CERS3: variants seen among roughly 807,000 people sequenced by gnomAD.
The protein encoded by CERS3 is LAG1 homolog, ceramide synthase 3.
A neutral mutation model predicts 50.3 loss-of-function variants in CERS3; 33 were observed. The observed-to-expected ratio is 0.66, with a 90% confidence interval of 0.50 to 0.88. CERS3 has a LOEUF of 0.88. Among genes scored for constraint, CERS3 ranks in the 40% least tolerant of loss-of-function variants. The pLI, the probability that CERS3 is intolerant of heterozygous loss-of-function variation, is 0.00. For missense variants in CERS3, 470 were observed against 460.3 expected (o/e 1.02, Z -0.19); for synonymous variants, 176 against 155.2 (o/e 1.13, Z -0.99).
intron 11 of CERS3, among the ~76,000 whole-genome samples, chr15:100,418,303 A>G (rs555620746): frequency 5.5e-4 from 83 of 152,236 alleles, no homozygotes; most frequent in East Asian, 4.2e-3. Flanking sequence ...TCAGAAGCCG[A>G]TGCGATCAAC....
intron 9 of CERS3, among the ~76,000 whole-genome samples, chr15:100,472,381 ACT>A (rs1473388095): frequency 6.6e-6 from 1 of 151,244 alleles, no homozygotes; most frequent in Non-Finnish European, 1.5e-5. Flanking sequence ...GATTAGGAAG[ACT>A]CTTGTTTTAA....
rs762982343 is a variant in CERS3 at position 100,430,311 on chromosome 15, C to CA, written c.999+25581dup. 2.9e-3 allele frequency among the ~76,000 whole-genome samples: 374 copies of CA among 129,836 alleles called. 1 individual carries two copies. Among genetic ancestry groups the CA allele is most frequent in the African/African-American group, 6.3e-3 (222 of 35,070 alleles). 85.2% of individuals were successfully genotyped at this position (129,836 alleles called of 152,430 possible). On this transcript the variant is annotated intron_variant, in intron 11 of 11. Transcript: ENST00000679737. Reference sequence around the variant, plus strand: ...TGGACGACAGAGCGAGACTCCGTCTCAAAAAAAAAAAGAATGACCAAAAGA... The same window carrying CA: ...TGGACGACAGAGCGAGACTCCGTCTCAAAAAAAAAAAAGAATGACCAAAAGA...
chr15:100,416,145 T>C (rs1279426748), intron 11 of CERS3, among the ~76,000 whole-genome samples: 1 of 152,132 alleles, frequency 6.6e-6, no homozygotes, highest in Non-Finnish European at 1.5e-5. Flanking sequence ...ATAAAATTCA[T>C]ACAGAACCAA....
At chr15:100,476,243 TA>T in intron 7 of CERS3, 65 bp from the exon 8 acceptor site, 1 of 970,026 alleles carries the variant, frequency 1.0e-6, no homozygotes, top group Non-Finnish European at 1.5e-6. Context: ...TTTAATGCAC[TA>T]AAACCTCCTT....
At chr15:100,501,570 C>T in intron 3 of CERS3, 107 bp downstream of exon 3, 1 of 961,786 alleles carries the variant, frequency 1.0e-6, no homozygotes, top group Non-Finnish European at 1.6e-6. Context: ...TTAGTGGCAA[C>T]CTCTGAACAA....
intron 11 of CERS3, among the ~76,000 whole-genome samples, chr15:100,442,971 C>T (rs866660632): frequency 1.9e-4 from 29 of 151,008 alleles, no homozygotes; most frequent in African/African-American, 6.1e-4. Flanking sequence ...CTTAAAACTC[C>T]CCAACTCTGG....
intron 2 of CERS3, among the ~76,000 whole-genome samples, chr15:100,505,324 G>A (rs2036145761): frequency 6.6e-6 from 1 of 152,204 alleles, no homozygotes; most frequent in South Asian, 2.1e-4. Flanking sequence ...TCATGGTTAT[G>A]TAGGGGTTAC....
chr15:100,493,439 T>C (rs922697082), intron 3 of CERS3, among the ~76,000 whole-genome samples: 1 of 152,234 alleles, frequency 6.6e-6, no homozygotes, highest in South Asian at 2.1e-4. Flanking sequence ...TTGTATGTGA[T>C]GAGTTGTTCC....
At chr15:100,451,827 A>G (rs1014546734) in intron 11 of CERS3, among the ~76,000 whole-genome samples, 1 of 152,216 alleles carries the variant, frequency 6.6e-6, no homozygotes, top group Non-Finnish European at 1.5e-5. Flanking sequence ...AGAAACACCT[A>G]TACTTATATC....
At chr15:100,477,324 C>T (rs2035161312) in intron 7 of CERS3, among the ~76,000 whole-genome samples, 1 of 152,124 alleles carries the variant, frequency 6.6e-6, no homozygotes, top group South Asian at 2.1e-4. Context: ...AATGCTGAGG[C>T]TAACGTATAA....
intron 7 of CERS3, among the ~76,000 whole-genome samples, chr15:100,476,869 C>T (rs2035142480): frequency 6.6e-6 from 1 of 152,160 alleles, no homozygotes; most frequent in Admixed American, 6.5e-5. Context: ...TGATCCTGGT[C>T]TTTGGTCAAG....
intron 11 of CERS3, among the ~76,000 whole-genome samples, chr15:100,442,208 A>C (rs1447927914): frequency 2.6e-5 from 4 of 151,834 alleles, no homozygotes; most frequent in African/African-American, 7.3e-5. Flanking sequence ...CCAGTTCATG[A>C]CTCGTTTGGC....
intron 11 of CERS3, among the ~76,000 whole-genome samples, chr15:100,438,284 A>G (rs1447845029): frequency 6.6e-6 from 1 of 151,880 alleles, no homozygotes; most frequent in Non-Finnish European, 1.5e-5. Flanking sequence ...ACCTCAGGTG[A>G]TCCTCCCACC....
chr15:100,483,267 T>C (rs1342329392), intron 5 of CERS3, among the ~76,000 whole-genome samples: 1 of 152,210 alleles, frequency 6.6e-6, no homozygotes, highest in Non-Finnish European at 1.5e-5. Flanking sequence ...CATGTGCCAC[T>C]GGGGTGGCGC....
intron 8 of CERS3, among the ~76,000 whole-genome samples, chr15:100,473,617 G>T (rs938214935): frequency 1.3e-5 from 2 of 152,160 alleles, no homozygotes; most frequent in Non-Finnish European, 2.9e-5. Context: ...ACACCCACTA[G>T]GATGGCTATA....
At chr15:100,502,287 G>GAAA (rs1393641097) in intron 2 of CERS3, among the ~76,000 whole-genome samples, 1,724 of 133,076 alleles carry the variant, frequency 0.013, 19 homozygotes, top group Non-Finnish European at 0.021. Context: ...AAGAAAGAAA[G>GAAA]AAAATAAGGC....
At chr15:100,507,348 G>C (rs554839530) in intron 2 of CERS3, among the ~76,000 whole-genome samples, 5 of 152,266 alleles carry the variant, frequency 3.3e-5, no homozygotes, top group African/African-American at 1.2e-4. Context: ...TAATGGTCCA[G>C]GCTACCCCTC....
At chr15:100,482,384 G>C (rs945117502) in intron 5 of CERS3, among the ~76,000 whole-genome samples, 1 of 152,152 alleles carries the variant, frequency 6.6e-6, no homozygotes, top group African/African-American at 2.4e-5. Flanking sequence ...GCTGGGGCCA[G>C]ATGGGAGGCC....
At chr15:100,419,048 A>C (rs1296993593) in intron 11 of CERS3, among the ~76,000 whole-genome samples, 2 of 125,778 alleles carry the variant, frequency 1.6e-5, no homozygotes, top group African/African-American at 2.8e-5. Flanking sequence ...ACCAGCTAAC[A>C]TCATAATGAC....
Sources: allele counts gnomAD v4.1 joint callset (sites outside exome capture counted in the v4.1 genomes callset), GRCh38; gene constraint gnomAD v4.1.1; transcripts MANE v1.5; gene names NCBI Gene and HGNC (gene_info 2026-07-23, HGNC 2026-07-21).